Variants in C2CD3 observed in about 807,000 individuals in gnomAD.
The protein encoded by C2CD3 is C2 domain containing 3 centriole elongation regulator.
Under a neutral mutation model 234.0 loss-of-function variants are expected in C2CD3, and 148 were observed. The observed-to-expected ratio is 0.63, with a 90% CI of 0.55 to 0.72. The LOEUF (loss-of-function observed/expected upper bound fraction) is 0.72. Ranked by LOEUF, C2CD3 falls within the 30% of genes least tolerant of loss-of-function variation. The probability of loss-of-function intolerance (pLI) is 0.00; values close to 1 mark genes in which losing one functional copy is unlikely to be tolerated. For synonymous variants in C2CD3, 1,000 were observed against 1,035.4 expected (o/e 0.97, Z 0.66); for missense variants, 2,577 against 2,811.5 (o/e 0.92, Z 1.89).
chr11:74,053,307 C>T (rs1403382133), intron 26 of C2CD3, among the ~76,000 whole-genome samples: 5 of 152,154 alleles, frequency 3.3e-5, no homozygotes, highest in East Asian at 1.9e-4. Context: ...AAAACTGATA[C>T]GGTATTTACT....
intron 2 of C2CD3, chr11:74,164,154 T>G (rs1590980175): frequency 2.1e-6 from 2 of 970,892 alleles, no homozygotes; most frequent in Non-Finnish European, 2.4e-6. Flanking sequence ...CTTCTGACCT[T>G]TATACTTCAC....
chr11:74,156,921 A>T (rs1856068998), intron 3 of C2CD3, among the ~76,000 whole-genome samples: 1 of 152,274 alleles, frequency 6.6e-6, no homozygotes, highest in South Asian at 2.1e-4. Context: ...CAGTGAGCAG[A>T]GATAGTGCCA....
At position 74,074,248 on chromosome 11, in the gene C2CD3, C is replaced by G. The variant is rs1954927354; in HGVS notation, c.4951+5G>C. 6.2e-7 allele frequency: 1 copy of G among 1,605,066 alleles called. No homozygotes were observed. Among genetic ancestry groups the G allele is most frequent in the Non-Finnish European group, 8.5e-7 (1 of 1,173,390 alleles). ...CATGCTCCTGGGTAGGTGAGGAGAG[C>G]ATACCTTTCAAGCTCAAGTGCATTG... On this transcript the variant is annotated splice_donor_5th_base_variant and intron_variant, in intron 24 of 32. Coordinates refer to ENST00000334126, the MANE Select transcript of C2CD3 (RefSeq NM_001286577.2).
chr11:74,096,778 C>T (rs1956122758), intron 16 of C2CD3, among the ~76,000 whole-genome samples: 1 of 152,114 alleles, frequency 6.6e-6, no homozygotes, highest in African/African-American at 2.4e-5. Flanking sequence ...ATTAATGTGG[C>T]TTTTCTTTAT....
Position 74,033,675 on chromosome 11 carries a change from C to T in C2CD3, c.6485G>A (p.Arg2162Lys). Residue 2162 changes from arginine to lysine, a missense_variant, in exon 31 of 33, where the codon AGG (arginine) becomes AAG (lysine). Arg to Lys is a conservative substitution (Grantham distance 26, BLOSUM62 2). Coordinates refer to ENST00000334126, the MANE Select transcript of C2CD3 (RefSeq NM_001286577.2). ...VACECEASKA[R>K]VGGESASANP... The stretch of plus-strand genomic sequence containing the variant: ...GGCTGAGGCAGACTCGCCACCAACC[C>T]TGGCCTTAGAGGCCTCACACTCACA... The T allele has an allele frequency of 6.5e-7, 1 of 1,536,288 alleles. No homozygotes were observed. The highest frequency in any genetic ancestry group is 1.2e-5 in the South Asian group (1 of 84,056).
intron 28 of C2CD3, among the ~76,000 whole-genome samples, chr11:74,043,585 TC>T (rs1953190510): frequency 6.6e-6 from 1 of 152,110 alleles, no homozygotes; most frequent in African/African-American, 2.4e-5. Flanking sequence ...TGTTTTACTA[TC>T]CCACCGGCAA....
intron 24 of C2CD3, among the ~76,000 whole-genome samples, chr11:74,062,542 T>C (rs1954296624): frequency 6.6e-6 from 1 of 151,988 alleles, no homozygotes; most frequent in Non-Finnish European, 1.5e-5. Flanking sequence ...CATAACGAAA[T>C]GAAGGCAGAA....
intron 2 of C2CD3, chr11:74,164,157 T>C: frequency 1.0e-6 from 1 of 971,908 alleles, no homozygotes; most frequent in Non-Finnish European, 1.2e-6. Context: ...CTGACCTTTA[T>C]ACTTCACTTG....
At chr11:74,073,033 G>A (rs1331888376) in intron 24 of C2CD3, among the ~76,000 whole-genome samples, 2 of 152,174 alleles carry the variant, frequency 1.3e-5, no homozygotes, top group Non-Finnish European at 2.9e-5. Context: ...AGGCAAAAGA[G>A]AAGGGTGACG....
intron 9 of C2CD3, among the ~76,000 whole-genome samples, chr11:74,117,678 C>T (rs1957073499): frequency 6.6e-6 from 1 of 151,834 alleles, no homozygotes; most frequent in Non-Finnish European, 1.5e-5. Flanking sequence ...CTTTGGGAGG[C>T]CAAGGTGGGC....
intron 23 of C2CD3, 35 bp downstream of exon 23, chr11:74,078,080 C>T: frequency 6.3e-7 from 1 of 1,587,516 alleles, no homozygotes; most frequent in Non-Finnish European, 8.6e-7. Context: ...AGCAGGTGCT[C>T]AAACTACAAG....
intron 7 of C2CD3, among the ~76,000 whole-genome samples, chr11:74,123,518 A>G (rs946911001): frequency 3.9e-5 from 6 of 152,202 alleles, no homozygotes; most frequent in African/African-American, 1.4e-4. Context: ...TAAATATTAT[A>G]TATCGATTTT....
At chr11:74,081,378 G>T (rs1434841962) in intron 22 of C2CD3, among the ~76,000 whole-genome samples, 1 of 151,992 alleles carries the variant, frequency 6.6e-6, no homozygotes, top group East Asian at 1.9e-4. Context: ...TTCAGTGAGA[G>T]AAAAAATAGG....
chr11:74,098,358 G>C, intron 15 of C2CD3, 103 bp from the exon 16 acceptor site: 1 of 1,225,660 alleles, frequency 8.2e-7, no homozygotes, highest in Non-Finnish European at 1.1e-6. Flanking sequence ...AAATAGATTT[G>C]CAACTGGAAA....
intron 32 of C2CD3, among the ~76,000 whole-genome samples, chr11:74,017,538 T>G (rs1350502421): frequency 6.6e-6 from 1 of 151,986 alleles, no homozygotes; most frequent in Non-Finnish European, 1.5e-5. Flanking sequence ...GGAAAGAAAA[T>G]GTGGGGCTTC....
chr11:74,132,146 T>C (rs2135536035), intron 7 of C2CD3, among the ~76,000 whole-genome samples: 1 of 152,086 alleles, frequency 6.6e-6, no homozygotes, highest in African/African-American at 2.4e-5. Context: ...AGGTCAAGAG[T>C]TCGAGACCAG....
chr11:74,154,930 T>C (rs1045521035), intron 3 of C2CD3, among the ~76,000 whole-genome samples: 12 of 152,094 alleles, frequency 7.9e-5, no homozygotes, highest in Admixed American at 6.5e-4. Context: ...TTTAAAAGAG[T>C]GACCATAGCA....
chr11:74,094,006 A>G lies in C2CD3; in HGVS notation c.3161-7T>C. 6.2e-7 allele frequency: 1 copy of G among 1,607,712 alleles called. No individual in the cohort carries two copies. The highest frequency in any genetic ancestry group is 8.5e-7 in the Non-Finnish European group (1 of 1,175,348). ...AAGGGCTTCAGAGTAATTCCTTTGG[A>G]AAAGAAAAGCATTTCAGAATAATCC... On this transcript the variant is annotated splice_polypyrimidine_tract_variant and splice_region_variant and intron_variant, in intron 17 of 32. Transcript: ENST00000334126.
At chr11:74,034,531 T>A (rs1167111562) in intron 30 of C2CD3, 5 of 1,612,176 alleles carry the variant, frequency 3.1e-6, no homozygotes, top group Non-Finnish European at 3.4e-6. Context: ...TCAGAGACTA[T>A]CTGCTCATGC....
Sources: allele counts gnomAD v4.1 joint callset (sites outside exome capture counted in the v4.1 genomes callset), GRCh38; gene constraint gnomAD v4.1.1; transcripts MANE v1.5; gene names NCBI Gene and HGNC (gene_info 2026-07-23, HGNC 2026-07-21).